CAPN15: variants seen among roughly 807,000 people sequenced by gnomAD.
CAPN15 encodes calpain-15.
A neutral mutation model predicts 97.9 loss-of-function variants in CAPN15; 53 were observed. The ratio of observed to expected loss-of-function variants is 0.54; its 90% CI spans 0.43 to 0.68. CAPN15 has a LOEUF of 0.68. Ranked by LOEUF, CAPN15 falls within the 30% of genes least tolerant of loss-of-function variation. The pLI is 0.00. For missense variants in CAPN15, 1,592 were observed against 1,589.8 expected (o/e 1.00, Z -0.02); for synonymous variants, 922 against 722.5 (o/e 1.28, Z -4.43).
intron 9 of CAPN15, 151 bp downstream of exon 9, chr16:551,815 C>A: frequency 9.0e-7 from 1 of 1,107,276 alleles, no homozygotes; most frequent in Non-Finnish European, 1.3e-6. Flanking sequence ...TCCAAGGTGC[C>A]AACCTCAGAA....
chr16:533,559 T>C (rs922238646), intron 1 of CAPN15, among the ~76,000 whole-genome samples: 1 of 152,184 alleles, frequency 6.6e-6, no homozygotes, highest in Non-Finnish European at 1.5e-5. Flanking sequence ...CCCTGGCTGG[T>C]GCTGCTCTGC....
At chr16:534,139 G>A (rs1241155675) in intron 2 of CAPN15, 141 bp downstream of exon 2, 5 of 89,486 alleles carry the variant, frequency 5.6e-5, no homozygotes, top group Admixed American at 4.1e-4. Flanking sequence ...GAGGCCGGCA[G>A]CCCTGCCTGC....
chr16:531,596 C>T (rs1343657176), intron 1 of CAPN15, among the ~76,000 whole-genome samples: 1 of 145,724 alleles, frequency 6.9e-6, no homozygotes, highest in African/African-American at 2.8e-5. Flanking sequence ...ACACGGCTCC[C>T]AAGGCCCCCG....
chr16:552,524 C>CCCCAGGGTACGTGG lies in CAPN15; in HGVS notation c.2735_2737+11dup. The CCCCAGGGTACGTGG allele has an allele frequency of 6.3e-7, 1 of 1,599,846 alleles. No individual in the cohort carries two copies. Among genetic ancestry groups the CCCCAGGGTACGTGG allele is most frequent in the Non-Finnish European group, 8.5e-7 (1 of 1,177,232 alleles). On this transcript the variant is annotated frameshift_variant, in exon 11 of 14. Coordinates refer to ENST00000219611, the MANE Select transcript of CAPN15 (RefSeq NM_005632.3). LOFTEE classifies it high-confidence loss of function. This position sits in a 1 kb window ranked among gnomAD's most constrained non-coding sequence, Gnocchi z 6.4. Reference sequence around the variant, plus strand: ...GCCGCCCCTGCCGGGCACCCCTGCCCCCCAGGGTACGTGGCCCCTACCCCA... The same window carrying CCCCAGGGTACGTGG: ...GCCGCCCCTGCCGGGCACCCCTGCCCCCCAGGGTACGTGGCCCAGGGTACGTGGCCCCTACCCCA...
Position 552,522 on chromosome 16 carries a change from C to T in CAPN15, c.2729C>T (p.Ala910Val), listed in dbSNP as rs754802214. The T allele has an allele frequency of 3.1e-6, 5 of 1,600,662 alleles. No homozygotes were observed. In the South Asian group the frequency reaches 4.4e-5, roughly 14 times the overall value. The change falls in exon 11 of 14, where the codon GCC (alanine) becomes GTC (valine). Residue 910 changes from alanine to valine, a missense_variant. Ala to Val is a moderately conservative substitution (Grantham distance 64). Around this residue, in one of 3 missense-constraint regions of CAPN15, gnomAD observed 644 missense variants for 699.6 expected, o/e 0.92. Transcript: ENST00000219611. The surrounding 1 kb of genome is among the most constrained non-coding windows in gnomAD (Gnocchi z 6.4). ...GGGCCGCCCCTGCCGGGCACCCCTGCCCCCCAGGGTACGTGGCCCCTACCC... is the reference window on the plus strand; with the variant it reads ...GGGCCGCCCCTGCCGGGCACCCCTGTCCCCCAGGGTACGTGGCCCCTACCC... Reference protein sequence around the residue: ...HWGPPLPGTPAPQASSPSAGV... With the variant: ...HWGPPLPGTPVPQASSPSAGV...
Position 552,340 on chromosome 16 carries a change from C to T in CAPN15, c.2547C>T (p.Cys849=), listed in dbSNP as rs745711306. 1 of 1,589,524 alleles carries T rather than the reference C, an allele frequency of 6.3e-7. No homozygotes were observed. The highest frequency in any genetic ancestry group is 1.1e-5 in the South Asian group (1 of 88,854). The change falls in exon 11 of 14, where the codon TGC becomes TGT. Residue 849 remains cysteine (C), a synonymous_variant. Coordinates refer to ENST00000219611, the MANE Select transcript of CAPN15 (RefSeq NM_005632.3). The surrounding 1 kb of genome is among the most constrained non-coding windows in gnomAD (Gnocchi z 6.4). ...DAVDSHLLDL[C]ILVFRATFGS... ...TGGACAGCCACCTGCTGGACCTGTG[C>T]ATCCTGGTGTTCCGGGCCACGTTCG...
intron 1 of CAPN15, among the ~76,000 whole-genome samples, chr16:531,133 T>C (rs2033220483): frequency 6.6e-6 from 1 of 152,282 alleles, no homozygotes; most frequent in African/African-American, 2.4e-5. Flanking sequence ...GCTCCGCTAA[T>C]GAGGGAGTTC....
At chr16:548,370 G>A (rs1169271756) in intron 4 of CAPN15, 83 bp downstream of exon 4, 9 of 1,327,134 alleles carry the variant, frequency 6.8e-6, no homozygotes, top group Non-Finnish European at 7.9e-6. Flanking sequence ...TCTGGCGATG[G>A]GCTGGGGAGG....
intron 1 of CAPN15, among the ~76,000 whole-genome samples, chr16:531,427 A>G (rs888905205): frequency 1.3e-4 from 20 of 151,672 alleles, no homozygotes; most frequent in Admixed American, 1.3e-3. Context: ...CCCCTGCCTG[A>G]TCCCCACTCC....
At chr16:528,590 C>T (rs1000436287) in intron 1 of CAPN15, among the ~76,000 whole-genome samples, 6 of 152,232 alleles carry the variant, frequency 3.9e-5, no homozygotes. Flanking sequence ...TGCAAATCTG[C>T]TGTCCTCCCG....
At position 554,581 on chromosome 16, in the gene CAPN15, A is replaced by G. The variant is rs1370268188; in HGVS notation, c.*1065A>G. ...CCGTTCCTTTACCATAGGATTCTCC[A>G]CAGTGGCTTCCGACTCAGGCTCCAA... On this transcript the variant is annotated 3_prime_UTR_variant, in exon 14 of 14. Transcript: ENST00000219611. The G allele has an allele frequency of 4.4e-6, 2 of 456,236 alleles. No homozygotes were observed. The highest frequency in any genetic ancestry group is 8.8e-6 in the Non-Finnish European group (2 of 226,746). 28.3% of individuals were successfully genotyped at this position (456,236 alleles called of 1,614,324 possible).
In CAPN15 at chr16:552,357, C is replaced by T. The variant is rs767510121; in HGVS notation, c.2564C>T (p.Ala855Val). The change falls in exon 11 of 14, where the codon GCC (alanine) becomes GTC (valine). Residue 855 changes from alanine to valine, a missense_variant. Ala to Val is a moderately conservative substitution (Grantham distance 64). Around this residue, in one of 3 missense-constraint regions of CAPN15, gnomAD observed 644 missense variants for 699.6 expected, o/e 0.92. Coordinates refer to ENST00000219611, the MANE Select transcript of CAPN15 (RefSeq NM_005632.3). The surrounding 1 kb of genome is among the most constrained non-coding windows in gnomAD (Gnocchi z 6.4). ...LLDLCILVFR[A>V]TFGSGGHLSL... Reference sequence around the variant, plus strand: ...GACCTGTGCATCCTGGTGTTCCGGGCCACGTTCGGCAGCGGCGGCCACCTC... The same window carrying T: ...GACCTGTGCATCCTGGTGTTCCGGGTCACGTTCGGCAGCGGCGGCCACCTC... 2 of 1,597,876 alleles carry T rather than the reference C, an allele frequency of 1.3e-6. No individual in the cohort carries two copies. The highest frequency in any genetic ancestry group is 1.7e-6 in the Non-Finnish European group (2 of 1,176,070).
chr16:552,423 A>T lies in CAPN15; in HGVS notation c.2630A>T (p.Lys877Met). The T allele has an allele frequency of 1.9e-6, 3 of 1,610,002 alleles. No individual in the cohort carries two copies. Among genetic ancestry groups the T allele is most frequent in the Non-Finnish European group, 1.7e-6 (2 of 1,179,626 alleles). ...RLLAHSKRAV[K>M]KFVSCDVMLE... The stretch of plus-strand genomic sequence containing the variant: ...CTGGCCCACAGTAAGCGCGCGGTCA[A>T]GAAGTTCGTCAGCTGCGACGTCATG... The change falls in exon 11 of 14, where the codon AAG (lysine) becomes ATG (methionine). Residue 877 changes from lysine (K) to methionine (M), a missense_variant. Coordinates refer to ENST00000219611, the MANE Select transcript of CAPN15 (RefSeq NM_005632.3). This position sits in a 1 kb window ranked among gnomAD's most constrained non-coding sequence, Gnocchi z 6.4.
At chr16:540,941 G>A (rs542558575) in intron 3 of CAPN15, among the ~76,000 whole-genome samples, 89 of 152,308 alleles carry the variant, frequency 5.8e-4, no homozygotes, top group Non-Finnish European at 1.1e-3. Context: ...TGCTCCTGCC[G>A]TCACCCCGTC....
chr16:531,682 A>C, intron 1 of CAPN15, among the ~76,000 whole-genome samples: 1 of 146,640 alleles, frequency 6.8e-6, no homozygotes, highest in South Asian at 2.1e-4. Context: ...CTGGGGTGAC[A>C]GGTGCCCCCA....
At position 551,513 on chromosome 16, in the gene CAPN15, C is replaced by T. The variant is rs1318931985; in HGVS notation, c.2194C>T (p.Leu732Phe). The change falls in exon 9 of 14, where the codon CTT becomes TTT. Residue 732 changes from leucine (L) to phenylalanine (F), a missense_variant and splice_region_variant. Coordinates refer to ENST00000219611, the MANE Select transcript of CAPN15 (RefSeq NM_005632.3). Reference protein sequence around the residue: ...LDVRDVQGTRLLRLRNPWGRF... With the variant: ...LDVRDVQGTRFLRLRNPWGRF... ...GATCCTCACCCCTGTGGTCTGCAGG[C>T]TTCTGCGGCTCCGAAACCCGTGGGG... 5.6e-6 allele frequency: 9 copies of T among 1,609,728 alleles called. No homozygotes were observed. In the South Asian group the frequency reaches 7.7e-5, roughly 14 times the overall value.
Position 551,738 on chromosome 16 carries a change from C to T in CAPN15, c.2345+74C>T, listed in dbSNP as rs79442621. The T allele has an allele frequency of 6.6e-4, 1,031 of 1,555,682 alleles. 5 individuals carry two copies. Among genetic ancestry groups the T allele is most frequent in the South Asian group, 2.2e-3 (196 of 88,080 alleles). ...CCGAGTCCTTCTCTGGAGAACAAGC[C>T]TGTCCCTCCTGCTGACCTGGGGTGG... On this transcript the variant is annotated intron_variant, in intron 9 of 13. Coordinates refer to ENST00000219611, the MANE Select transcript of CAPN15 (RefSeq NM_005632.3).
In CAPN15 at chr16:550,879, C is replaced by T. The variant is rs544911943; in HGVS notation, c.2067-423C>T. 4.4e-5 allele frequency among the ~76,000 whole-genome samples: 5 copies of T among 113,318 alleles called. No individual in the cohort carries two copies. In the East Asian group the frequency reaches 1.0e-3, roughly 23 times the overall value. The allele number at this position is 113,318 out of a possible 152,430, so 74.3% of individuals were successfully genotyped here. ...GAGGGTCCCGGTCGGTGAGGGTCCCCTGTCGGTGAGGTCCCTGGTCGGTGA... is the reference window on the plus strand; with the variant it reads ...GAGGGTCCCGGTCGGTGAGGGTCCCTTGTCGGTGAGGTCCCTGGTCGGTGA... On this transcript the variant is annotated intron_variant, in intron 7 of 13. Transcript: ENST00000219611.
rs775681212 is a variant in CAPN15 at position 552,173 on chromosome 16, G to A, written c.2468G>A (p.Arg823Gln). The A allele has an allele frequency of 2.9e-5, 44 of 1,540,306 alleles. No homozygotes were observed. The highest frequency in any genetic ancestry group is 6.0e-5 in the South Asian group (5 of 83,202). The change falls in exon 10 of 14, where the codon CGG becomes CAG. Residue 823 changes from arginine (R) to glutamine (Q), a missense_variant. Around this residue, in one of 3 missense-constraint regions of CAPN15, gnomAD observed 644 missense variants for 699.6 expected, o/e 0.92. Coordinates refer to ENST00000219611, the MANE Select transcript of CAPN15 (RefSeq NM_005632.3). The surrounding 1 kb of genome is among the most constrained non-coding windows in gnomAD (Gnocchi z 6.4). ...VGVTALTVLERASLEFALFQE... is the reference protein window; with the variant it reads ...VGVTALTVLEQASLEFALFQE... Reference sequence around the variant, plus strand: ...GTAACAGCGCTCACGGTGCTGGAGCGGGCCTCGCTGGAGTTCGCGCTCTTC... The same window carrying A: ...GTAACAGCGCTCACGGTGCTGGAGCAGGCCTCGCTGGAGTTCGCGCTCTTC...
Sources: allele counts gnomAD v4.1 joint callset (sites outside exome capture counted in the v4.1 genomes callset), GRCh38; gene constraint gnomAD v4.1.1; regional missense constraint gnomAD v4.1.1; non-coding constraint Gnocchi (gnomAD v3.1); transcripts MANE v1.5; gene names NCBI Gene and HGNC (gene_info 2026-07-23, HGNC 2026-07-21).